The following SLIT2 variants were observed in gnomAD, a reference collection of about 807,000 sequenced individuals.
SLIT2 encodes slit guidance ligand 2.
A neutral mutation model predicts 185.7 loss-of-function variants in SLIT2; 41 were observed. That is an observed-to-expected ratio of 0.22 (90% CI 0.17 to 0.29). SLIT2 has a LOEUF of 0.29. Ranked by LOEUF, SLIT2 falls within the 10% of genes least tolerant of loss-of-function variation. The pLI is 1.00. For synonymous variants in SLIT2, 693 were observed against 680.2 expected (o/e 1.02, Z -0.29); for missense variants, 1,571 against 1,909.0 (o/e 0.82, Z 3.30).
intron 4 of SLIT2, chr4:20,392,083 T>G (rs1311988467): frequency 6.6e-6 from 1 of 151,996 alleles, no homozygotes; most frequent in Non-Finnish European, 1.5e-5. Context: ...GGAGATACAT[T>G]CTGAGAAATG....
intron 30 of SLIT2, among the ~76,000 whole-genome samples, chr4:20,594,232 CAT>C (rs1243095624): frequency 1.0e-4 from 15 of 146,910 alleles, no homozygotes; most frequent in African/African-American, 3.5e-4. Flanking sequence ...TATGTATGTA[CAT>C]GTGTATATAC....
At chr4:20,594,288 T>G (rs960828776) in intron 30 of SLIT2, among the ~76,000 whole-genome samples, 3 of 151,088 alleles carry the variant, frequency 2.0e-5, no homozygotes, top group Admixed American at 6.6e-5. Flanking sequence ...TATGTATATG[T>G]GTGTATATAT....
At position 20,528,390 on chromosome 4, in the gene SLIT2, A is replaced by G. The variant is rs1426821687; in HGVS notation, c.1463-559A>G. The G allele has an allele frequency of 3.8e-6, 2 of 532,248 alleles. No individual in the cohort carries two copies. The highest frequency in any genetic ancestry group is 1.9e-5 in the Admixed American group (1 of 51,328). The allele number at this position is 532,248 out of a possible 1,614,324, so 33.0% of individuals were successfully genotyped here. A position where few individuals can be genotyped will look rare whatever the true frequency, so the allele number is the denominator to read the frequency against. ...ACGTCACGCAGCTTTCTACAGCATG[A>G]CAAGCTGCTGAGGCTTAAATCAGGA... On this transcript the variant is annotated intron_variant, in intron 15 of 36. Transcript: ENST00000504154. The surrounding 1 kb of genome is among the most constrained non-coding windows in gnomAD (Gnocchi z 4.2).
intron 33 of SLIT2, among the ~76,000 whole-genome samples, chr4:20,609,161 C>T (rs1163864802): frequency 6.6e-6 from 1 of 152,170 alleles, no homozygotes; most frequent in Non-Finnish European, 1.5e-5. Flanking sequence ...TAATTGCACT[C>T]AACTTCATCT....
intron 15 of SLIT2, 129 bp downstream of exon 15, chr4:20,525,301 A>T (rs190662695): frequency 1.5e-6 from 1 of 655,188 alleles, no homozygotes; most frequent in African/African-American, 1.8e-5. Flanking sequence ...TGACTTATGC[A>T]TATATCACTT....
In SLIT2 at chr4:20,284,599, G is replaced by A. The variant is rs182180910; in HGVS notation, c.395+15718G>A. Reference sequence around the variant, plus strand: ...TATGTTCTTTCTTGATAGTGTTTGAGTTTAAAAAGAATAGCCATCAGTACA... The same window carrying A: ...TATGTTCTTTCTTGATAGTGTTTGAATTTAAAAAGAATAGCCATCAGTACA... On this transcript the variant is annotated intron_variant, in intron 4 of 36. Transcript: ENST00000504154. 3.9e-5 allele frequency among the ~76,000 whole-genome samples: 6 copies of A among 152,306 alleles called. No individual in the cohort carries two copies. The East Asian group carries it at 9.7e-4, about 25-fold the overall frequency.
chr4:20,420,182 C>T (rs529773910), intron 4 of SLIT2, among the ~76,000 whole-genome samples: 13 of 152,256 alleles, frequency 8.5e-5, no homozygotes, highest in African/African-American at 2.4e-4. Context: ...ACTTCTAATG[C>T]GTACATTTTT....
intron 9 of SLIT2, among the ~76,000 whole-genome samples, chr4:20,507,730 A>C (rs2148821238): frequency 6.6e-6 from 1 of 151,916 alleles, no homozygotes; most frequent in Non-Finnish European, 1.5e-5. Flanking sequence ...TATCTATGAA[A>C]AGTAGTATAT....
At chr4:20,336,108 CA>C (rs1255344944) in intron 4 of SLIT2, among the ~76,000 whole-genome samples, 1 of 152,098 alleles carries the variant, frequency 6.6e-6, no homozygotes, top group Non-Finnish European at 1.5e-5. Context: ...TCTAGGATAT[CA>C]AAGTGGGCAC....
intron 4 of SLIT2, among the ~76,000 whole-genome samples, chr4:20,454,354 T>C (rs1010483953): frequency 6.6e-6 from 1 of 152,226 alleles, no homozygotes; most frequent in African/African-American, 2.4e-5. Flanking sequence ...TTCCCTGATA[T>C]ATATTATTTA....
In SLIT2 at chr4:20,486,310, AT is replaced by A. The variant is rs1560467025; in HGVS notation, c.611+41del. 2.6e-6 allele frequency: 3 copies of A among 1,145,768 alleles called. No homozygotes were observed. In the South Asian group the frequency reaches 3.7e-5, roughly 14 times the overall value. 71.0% of individuals were successfully genotyped at this position (1,145,768 alleles called of 1,614,324 possible). A position where few individuals can be genotyped will look rare whatever the true frequency, so the allele number is the denominator to read the frequency against. On this transcript the variant is annotated intron_variant, in intron 7 of 36. Transcript: ENST00000504154. ...ATATATGTAAAAGTCATATTAATCAATTAAAGCTTCCCCTTAAATAGCATGT... is the reference window on the plus strand; with the variant it reads ...ATATATGTAAAAGTCATATTAATCAATAAAGCTTCCCCTTAAATAGCATGT...
Position 20,598,357 on chromosome 4 carries a change from C to T in SLIT2, c.3654C>T (p.Ser1218=). 1 of 1,614,136 alleles carries T rather than the reference C, an allele frequency of 6.2e-7. No homozygotes were observed. The highest frequency in any genetic ancestry group is 8.5e-7 in the Non-Finnish European group (1 of 1,179,998). Residue 1218 remains serine, a synonymous_variant, in exon 33 of 37, where the codon AGC becomes AGT. Coordinates refer to ENST00000504154, the MANE Select transcript of SLIT2 (RefSeq NM_004787.4). ...TCTATCGGGGGCGTGTTCGTGCCAG[C>T]TATGACACCGGCTCTCATCCAGCTT... The part of the protein sequence containing the change: ...VELYRGRVRA[S]YDTGSHPASA...
chr4:20,335,916 A>G (rs1720460788), intron 4 of SLIT2, among the ~76,000 whole-genome samples: 2 of 35,930 alleles, frequency 5.6e-5, no homozygotes, highest in South Asian at 2.0e-3. Flanking sequence ...CCTTTAGGTA[A>G]TTTTATAACA....
At chr4:20,472,395 T>TATAG (rs1553908511) in intron 5 of SLIT2, among the ~76,000 whole-genome samples, 758 of 38,704 alleles carry the variant, frequency 0.02, 29 homozygotes, top group Middle Eastern at 0.056. Flanking sequence ...TGTAGATATA[T>TATAG]AGATATAGAT....
At chr4:20,573,001 T>G (rs926039072) in intron 29 of SLIT2, among the ~76,000 whole-genome samples, 4 of 152,222 alleles carry the variant, frequency 2.6e-5, no homozygotes, top group Admixed American at 2.0e-4. Context: ...GGTTGTTCCA[T>G]CACCTGGTTT....
At chr4:20,420,134 T>C (rs1000044226) in intron 4 of SLIT2, among the ~76,000 whole-genome samples, 7 of 152,212 alleles carry the variant, frequency 4.6e-5, no homozygotes, top group African/African-American at 1.7e-4. Context: ...TTGCACTGTC[T>C]TCTTAAATAA....
chr4:20,493,365 C>T (rs984420393), intron 9 of SLIT2, among the ~76,000 whole-genome samples: 5 of 152,122 alleles, frequency 3.3e-5, no homozygotes, highest in South Asian at 2.1e-4. Context: ...TAAATTTTCT[C>T]ATAAGGGAAC....
At chr4:20,541,385 T>G in intron 19 of SLIT2, 68 bp from the exon 20 acceptor site, 1 of 1,378,258 alleles carries the variant, frequency 7.3e-7, no homozygotes, top group Non-Finnish European at 1.0e-6. Flanking sequence ...GAAGGGTAGC[T>G]GGGGTTTAGA....
intron 9 of SLIT2, 141 bp from the exon 10 acceptor site, chr4:20,510,348 ATTAAAT>A (rs1719592717): frequency 3.1e-6 from 2 of 646,204 alleles, no homozygotes; most frequent in East Asian, 2.7e-5. Flanking sequence ...GGACAGAAAA[ATTAAAT>A]TTAGTACTTA....
Sources: allele counts gnomAD v4.1 joint callset (sites outside exome capture counted in the v4.1 genomes callset), GRCh38; gene constraint gnomAD v4.1.1; non-coding constraint Gnocchi (gnomAD v3.1); transcripts MANE v1.5; gene names NCBI Gene and HGNC (gene_info 2026-07-23, HGNC 2026-07-21).